Variants in IGSF21 observed in about 807,000 individuals in gnomAD.
IGSF21 encodes immunoglobin superfamily member 21.
In IGSF21, 28 loss-of-function variants were observed where a neutral mutation model predicts 46.8. The ratio of observed to expected loss-of-function variants is 0.60; its 90% confidence interval spans 0.44 to 0.82. The LOEUF (loss-of-function observed/expected upper bound fraction) is 0.82, where lower values mean the gene tolerates loss of function less well. Ranked by LOEUF, IGSF21 falls within the 40% of genes least tolerant of loss-of-function variation. The pLI is 0.00. For synonymous variants in IGSF21, 284 were observed against 273.6 expected, an observed-to-expected ratio of 1.04 and a Z score of -0.38; for missense variants, 624 against 665.5, an observed-to-expected ratio of 0.94 and a Z score of 0.69.
At chr1:18,208,396 T>TATATATATATATATATATATATATA (rs397732378) in intron 1 of IGSF21, among the ~76,000 whole-genome samples, 185 of 102,242 alleles carry the variant, frequency 1.8e-3, no homozygotes, top group Middle Eastern at 5.7e-3. Flanking sequence ...TATATATATA[T>TATATATATATATATATATATATATA]TTTTTGAGAC....
At chr1:18,363,556 G>A (rs189835362) in intron 5 of IGSF21, among the ~76,000 whole-genome samples, 1 of 152,108 alleles carries the variant, frequency 6.6e-6, no homozygotes, top group Admixed American at 6.5e-5. Context: ...CAGAGACATA[G>A]GTGAGGCAGT....
chr1:18,202,627 C>A (rs978980832), intron 1 of IGSF21, among the ~76,000 whole-genome samples: 1 of 151,852 alleles, frequency 6.6e-6, no homozygotes, highest in African/African-American at 2.4e-5. Flanking sequence ...TTTGTGAAAC[C>A]ATCAGATCTC....
At position 18,290,190 on chromosome 1, in the gene IGSF21, C is replaced by CGCCCAGCGG; in HGVS notation, c.184-1676_184-1675insGCCCAGCGG. Among the ~76,000 whole-genome samples the CGCCCAGCGG allele has an allele frequency of 6.6e-6, 1 of 152,298 alleles. No homozygotes were observed. The highest frequency in any genetic ancestry group is 6.5e-5 in the Admixed American group (1 of 15,306). On this transcript the variant is annotated intron_variant, in intron 2 of 9. Transcript: ENST00000251296. This position sits in a 1 kb window ranked among gnomAD's most constrained non-coding sequence, Gnocchi z 4.2. ...GGAGAATCCTCCTGTCCCCGTCCTC[C>CGCCCAGCGG]TCATCTTCCTCCACTCTCATGGTCC... is the stretch of plus-strand genomic sequence containing the variant.
chr1:18,340,423 G>A (rs1275353345), intron 4 of IGSF21, among the ~76,000 whole-genome samples: 2 of 152,172 alleles, frequency 1.3e-5, no homozygotes, highest in African/African-American at 4.8e-5. Context: ...GAGCTATATG[G>A]ACTTCATTCA....
chr1:18,227,867 C>T (rs767695509), intron 1 of IGSF21, 31 bp from the exon 2 acceptor site: 2 of 1,550,920 alleles, frequency 1.3e-6, no homozygotes, highest in Non-Finnish European at 1.8e-6. Flanking sequence ...CTGCTCGTGC[C>T]CTTACCACCC....
chr1:18,268,716 A>T (rs1336618242), intron 2 of IGSF21, among the ~76,000 whole-genome samples: 1 of 152,214 alleles, frequency 6.6e-6, no homozygotes, highest in Non-Finnish European at 1.5e-5. Flanking sequence ...CAGATCCAGA[A>T]ACAGATAGAA....
chr1:18,134,748 C>G (rs1010504705), intron 1 of IGSF21, among the ~76,000 whole-genome samples: 1 of 152,198 alleles, frequency 6.6e-6, no homozygotes, highest in African/African-American at 2.4e-5. Context: ...CACCCAAGCC[C>G]AGGTCCTCTG....
Position 18,157,734 on chromosome 1 carries a change from C to G in IGSF21, c.70+49536C>G, listed in dbSNP as rs114383391. On this transcript the variant is annotated intron_variant, in intron 1 of 9. Coordinates refer to ENST00000251296, the MANE Select transcript of IGSF21 (RefSeq NM_032880.5). ...ATTGCAATTAAGAGAGGTTAAATAACTTTCCCAGGGTCACATATTTGGTTC... is the reference window on the plus strand; with the variant it reads ...ATTGCAATTAAGAGAGGTTAAATAAGTTTCCCAGGGTCACATATTTGGTTC... 5.0e-3 allele frequency among the ~76,000 whole-genome samples: 767 copies of G among 152,314 alleles called. 10 individuals are homozygous for G. Among genetic ancestry groups the G allele is most frequent in the African/African-American group, 0.018 (736 of 41,556 alleles).
chr1:18,193,186 CA>C (rs1225156240), intron 1 of IGSF21, among the ~76,000 whole-genome samples: 1 of 151,974 alleles, frequency 6.6e-6, no homozygotes, highest in Non-Finnish European at 1.5e-5. Flanking sequence ...CTTGTGGGGC[CA>C]GGGGTAGTAG....
chr1:18,362,011 AC>A (rs2086105928), intron 4 of IGSF21, 103 bp from the exon 5 acceptor site: 4 of 692,782 alleles, frequency 5.8e-6, no homozygotes, highest in Admixed American at 2.4e-5. Context: ...GCCCTCCCCC[AC>A]CCCCGGCACC....
intron 3 of IGSF21, among the ~76,000 whole-genome samples, chr1:18,293,632 C>A (rs1569745650): frequency 6.6e-6 from 1 of 152,240 alleles, no homozygotes; most frequent in East Asian, 1.9e-4. Context: ...AAGCCAGTTA[C>A]AATCAAGATG....
At chr1:18,274,603 G>A (rs540554821) in intron 2 of IGSF21, among the ~76,000 whole-genome samples, 16 of 152,376 alleles carry the variant, frequency 1.1e-4, no homozygotes, top group African/African-American at 2.6e-4. Context: ...TTGATTAATT[G>A]TGACAGACGC....
chr1:18,178,285 T>A (rs1226304722), intron 1 of IGSF21, among the ~76,000 whole-genome samples: 1 of 152,180 alleles, frequency 6.6e-6, no homozygotes, highest in African/African-American at 2.4e-5. Context: ...ACAATTAAGC[T>A]GTATGTTCTC....
intron 1 of IGSF21, among the ~76,000 whole-genome samples, chr1:18,202,731 GA>G (rs1181884603): frequency 6.6e-6 from 1 of 152,170 alleles, no homozygotes; most frequent in Non-Finnish European, 1.5e-5. Context: ...GATACGTGGG[GA>G]TTACAGGTTG....
chr1:18,337,627 C>G lies in IGSF21; in HGVS notation c.424+2617C>G, dbSNP rs1263173523. 8.5e-5 allele frequency among the ~76,000 whole-genome samples: 11 copies of G among 129,642 alleles called. No homozygotes were observed. Among genetic ancestry groups the G allele is most frequent in the Admixed American group, 8.1e-4 (11 of 13,586 alleles). The allele number at this position is 129,642 out of a possible 152,430, so 85.1% of individuals were successfully genotyped here. A position where few individuals can be genotyped will look rare whatever the true frequency, so the allele number is the denominator to read the frequency against. On this transcript the variant is annotated intron_variant, in intron 4 of 9. Coordinates refer to ENST00000251296, the MANE Select transcript of IGSF21 (RefSeq NM_032880.5). This position sits in a 1 kb window ranked among gnomAD's most constrained non-coding sequence, Gnocchi z 5.7. ...GGTGTGTCTCTGGGAGTGGCAGAGA[C>G]AGGGGTCTCTCCTTACTCACCTTCT...
chr1:18,245,683 G>A (rs1449816208), intron 2 of IGSF21, among the ~76,000 whole-genome samples: 1 of 152,192 alleles, frequency 6.6e-6, no homozygotes, highest in Non-Finnish European at 1.5e-5. Flanking sequence ...CAATGAGCAA[G>A]CATGTGTTGA....
Position 18,190,416 on chromosome 1 carries a change from A to T in IGSF21, c.71-37482A>T, listed in dbSNP as rs983138172. Among the ~76,000 whole-genome samples the T allele has an allele frequency of 5.6e-4, 85 of 152,214 alleles. 1 individual carries two copies. Among genetic ancestry groups the T allele is most frequent in the Non-Finnish European group, 2.2e-4 (15 of 68,038 alleles). On this transcript the variant is annotated intron_variant, in intron 1 of 9. Transcript: ENST00000251296. ...ACCTAGCCAGAGGTAGTCTGGAGGCAAGCATGCCAGTGTGCGTGTGATGTG... is the reference window on the plus strand; with the variant it reads ...ACCTAGCCAGAGGTAGTCTGGAGGCTAGCATGCCAGTGTGCGTGTGATGTG...
intron 4 of IGSF21, among the ~76,000 whole-genome samples, chr1:18,357,171 TG>T (rs1354053546): frequency 1.1e-5 from 1 of 87,614 alleles, no homozygotes; most frequent in Non-Finnish European, 2.2e-5. Context: ...GGGATAAAGA[TG>T]GGGGAAGAGA....
chr1:18,343,715 A>G (rs1215078161), intron 4 of IGSF21, among the ~76,000 whole-genome samples: 1 of 152,190 alleles, frequency 6.6e-6, no homozygotes, highest in Non-Finnish European at 1.5e-5. Flanking sequence ...ATCCCCATTG[A>G]ATTATCTTGG....
Sources: allele counts gnomAD v4.1 joint callset (sites outside exome capture counted in the v4.1 genomes callset), GRCh38; gene constraint gnomAD v4.1.1; non-coding constraint Gnocchi (gnomAD v3.1); transcripts MANE v1.5; gene names NCBI Gene and HGNC (gene_info 2026-07-23, HGNC 2026-07-21).